The following KCNH1 variants were observed in gnomAD, a reference collection of about 807,000 sequenced individuals.
The protein encoded by KCNH1 is voltage-gated delayed rectifier potassium channel KCNH1.
In KCNH1, 27 loss-of-function variants were observed where a neutral mutation model predicts 69.2. That is an observed-to-expected ratio of 0.39 (90% CI 0.29 to 0.54). The LOEUF (loss-of-function observed/expected upper bound fraction) is 0.54. Among genes scored for constraint, KCNH1 ranks in the 20% least tolerant of loss-of-function variants. The probability of loss-of-function intolerance (pLI) is 0.68; values close to 1 mark genes in which losing one functional copy is unlikely to be tolerated. For synonymous variants in KCNH1, 456 were observed against 487.7 expected (o/e 0.93, Z 0.86); for missense variants, 798 against 1,261.6 (o/e 0.63, Z 5.57).
intron 7 of KCNH1, chr1:210,861,159 C>T (rs546775010): frequency 1.1e-5 from 10 of 923,978 alleles, no homozygotes; most frequent in African/African-American, 4.9e-5. Context: ...CGTATATACT[C>T]GTAAGGGTCT....
chr1:211,124,342 G>A (rs2102500112), intron 1 of KCNH1, among the ~76,000 whole-genome samples: 1 of 152,138 alleles, frequency 6.6e-6, no homozygotes, highest in East Asian at 1.9e-4. Flanking sequence ...CCCCATGACT[G>A]AATGGTCTGC....
At chr1:211,085,654 T>C (rs1006945100) in intron 4 of KCNH1, among the ~76,000 whole-genome samples, 12 of 152,074 alleles carry the variant, frequency 7.9e-5, no homozygotes, top group African/African-American at 2.9e-4. Flanking sequence ...AGAAGCAACC[T>C]AGGAGGCTCC....
At chr1:210,691,633 T>C (rs567227089) in intron 10 of KCNH1, among the ~76,000 whole-genome samples, 2 of 152,292 alleles carry the variant, frequency 1.3e-5, no homozygotes, top group African/African-American at 2.4e-5. Context: ...TTTGTGTCCA[T>C]TGGCAACTTC....
At chr1:210,879,425 C>G (rs1393180645) in intron 7 of KCNH1, among the ~76,000 whole-genome samples, 1 of 151,826 alleles carries the variant, frequency 6.6e-6, no homozygotes, top group African/African-American at 2.4e-5. Flanking sequence ...AGTGGAATTC[C>G]AGATATGCAA....
At chr1:210,740,704 A>ATTTTTTTTT (rs199727493) in intron 10 of KCNH1, among the ~76,000 whole-genome samples, 2 of 117,264 alleles carry the variant, frequency 1.7e-5, no homozygotes, top group African/African-American at 6.8e-5. Context: ...TTATGATTAA[A>ATTTTTTTTT]TTTTTTTTTT....
At chr1:210,788,141 T>C (rs1224648764) in intron 9 of KCNH1, among the ~76,000 whole-genome samples, 1 of 152,244 alleles carries the variant, frequency 6.6e-6, no homozygotes, top group Non-Finnish European at 1.5e-5. Context: ...CCCCTTCTGA[T>C]TATTTATAAA....
chr1:211,117,508 A>G (rs1177723199), intron 1 of KCNH1, among the ~76,000 whole-genome samples: 2 of 152,162 alleles, frequency 1.3e-5, no homozygotes, highest in East Asian at 3.9e-4. Flanking sequence ...GGCCATAAGG[A>G]GACTGTGCAA....
chr1:210,827,982 T>C (rs11583996), intron 7 of KCNH1, among the ~76,000 whole-genome samples: 1 of 152,024 alleles, frequency 6.6e-6, no homozygotes, highest in African/African-American at 2.4e-5. Flanking sequence ...TGAGTAGCTG[T>C]GATTACAGGT....
intron 5 of KCNH1, among the ~76,000 whole-genome samples, chr1:211,024,606 A>C (rs530959507): frequency 1.3e-5 from 2 of 152,296 alleles, no homozygotes; most frequent in African/African-American, 4.8e-5. Context: ...AAAGAATAAT[A>C]ATCTGATGCA....
intron 5 of KCNH1, among the ~76,000 whole-genome samples, chr1:211,026,027 A>G (rs918395629): frequency 2.6e-5 from 4 of 152,002 alleles, no homozygotes; most frequent in Non-Finnish European, 5.9e-5. Flanking sequence ...TTGTCTCTCA[A>G]ACTGTCTTTT....
In KCNH1 at chr1:210,790,111, GA is replaced by G. The variant is rs1349835768; in HGVS notation, c.1915+7396del. On this transcript the variant is annotated intron_variant, in intron 9 of 10. Transcript: ENST00000271751. ...TTTCCCAATTCTTTTCAAATGCTCT[GA>G]AATACTTGGTCATTTAGAAAACTAT... 3.3e-5 allele frequency among the ~76,000 whole-genome samples: 5 copies of G among 152,324 alleles called. No homozygotes were observed. The East Asian group carries it at 9.6e-4, about 29-fold the overall frequency.
At chr1:210,702,420 T>G (rs1306219364) in intron 10 of KCNH1, among the ~76,000 whole-genome samples, 1 of 152,238 alleles carries the variant, frequency 6.6e-6, no homozygotes, top group Non-Finnish European at 1.5e-5. Context: ...TTCTTTGTCT[T>G]TTTATCTTCT....
At chr1:210,746,794 G>A (rs1683171902) in intron 10 of KCNH1, among the ~76,000 whole-genome samples, 3 of 152,124 alleles carry the variant, frequency 2.0e-5, no homozygotes, top group Admixed American at 1.3e-4. Context: ...TGATCCACCC[G>A]CCTCAGCCTT....
chr1:210,820,968 A>C (rs1684916428), intron 7 of KCNH1, among the ~76,000 whole-genome samples: 2 of 152,170 alleles, frequency 1.3e-5, no homozygotes, highest in East Asian at 1.9e-4. Context: ...TAAGGGAATA[A>C]ATTTGTGTTG....
At chr1:210,719,175 A>G (rs1024794447) in intron 10 of KCNH1, among the ~76,000 whole-genome samples, 4 of 152,312 alleles carry the variant, frequency 2.6e-5, no homozygotes, top group Middle Eastern at 3.4e-3. Flanking sequence ...CATTAGCCAT[A>G]TATGGCTGGG....
At chr1:211,037,704 T>C (rs1689923092) in intron 5 of KCNH1, among the ~76,000 whole-genome samples, 1 of 151,888 alleles carries the variant, frequency 6.6e-6, no homozygotes, top group Admixed American at 6.6e-5. Flanking sequence ...CTCTTAAGAG[T>C]ACCTACCCTA....
intron 7 of KCNH1, among the ~76,000 whole-genome samples, chr1:210,872,841 T>C (rs1046262914): frequency 1.3e-5 from 2 of 152,200 alleles, no homozygotes; most frequent in Non-Finnish European, 2.9e-5. Flanking sequence ...TCATTAAACA[T>C]TGGATTTGGG....
intron 9 of KCNH1, among the ~76,000 whole-genome samples, chr1:210,791,171 T>G (rs759268325): frequency 3.0e-4 from 46 of 152,306 alleles, no homozygotes; most frequent in Non-Finnish European, 5.9e-4. Flanking sequence ...GGTCATTTCT[T>G]GTGGTTTAGG....
intron 10 of KCNH1, among the ~76,000 whole-genome samples, chr1:210,758,224 G>C (rs1683440052): frequency 6.6e-6 from 1 of 152,196 alleles, no homozygotes; most frequent in South Asian, 2.1e-4. Flanking sequence ...GTCAAAGCAG[G>C]CATTTTAGTT....
Sources: allele counts gnomAD v4.1 joint callset (sites outside exome capture counted in the v4.1 genomes callset), GRCh38; gene constraint gnomAD v4.1.1; transcripts MANE v1.5; gene names NCBI Gene and HGNC (gene_info 2026-07-23, HGNC 2026-07-21).